The following FRMD4A variants were observed in gnomAD, a reference collection of about 807,000 sequenced individuals.
FRMD4A encodes FERM domain-containing protein 4A.
In FRMD4A, 29 loss-of-function variants were observed where a neutral mutation model predicts 129.1. The ratio of observed to expected loss-of-function variants is 0.22; its 90% CI spans 0.17 to 0.31. FRMD4A has a LOEUF of 0.31. FRMD4A is among the 10% of genes least tolerant of loss of function. The pLI, the probability that FRMD4A is intolerant of heterozygous loss-of-function variation, is 1.00. For missense variants in FRMD4A, 1,272 were observed against 1,375.8 expected, an observed-to-expected ratio of 0.92 and a Z score of 1.19; for synonymous variants, 634 against 571.6, an observed-to-expected ratio of 1.11 and a Z score of -1.56.
chr10:14,318,705 G>A (rs2132116317), intron 2 of FRMD4A, among the ~76,000 whole-genome samples: 1 of 151,412 alleles, frequency 6.6e-6, no homozygotes, highest in Admixed American at 6.6e-5. Flanking sequence ...AAGTCCCATA[G>A]ACAGTTTGTG....
intron 9 of FRMD4A, among the ~76,000 whole-genome samples, chr10:13,743,323 C>T (rs1171275848): frequency 2.0e-5 from 3 of 152,180 alleles, no homozygotes; most frequent in Non-Finnish European, 4.4e-5. Flanking sequence ...AGCGGCTCCA[C>T]TTCCTTCCAT....
At chr10:13,714,042 A>ATTT (rs1365248261) in intron 12 of FRMD4A, among the ~76,000 whole-genome samples, 321 of 7,174 alleles carry the variant, frequency 0.045, 63 homozygotes, top group African/African-American at 0.11. Flanking sequence ...ATATATATAT[A>ATTT]TATATATATA....
intron 5 of FRMD4A, among the ~76,000 whole-genome samples, chr10:13,784,614 A>G (rs1259326578): frequency 6.6e-6 from 1 of 152,212 alleles, no homozygotes; most frequent in Non-Finnish European, 1.5e-5. Context: ...TACACTGGAG[A>G]TACAGGACCT....
intron 2 of FRMD4A, among the ~76,000 whole-genome samples, chr10:14,244,310 C>T (rs897794336): frequency 6.6e-6 from 1 of 152,210 alleles, no homozygotes; most frequent in Non-Finnish European, 1.5e-5. Flanking sequence ...AGAATGCCTT[C>T]CCTCTGGCCC....
At chr10:14,319,584 T>A (rs1312400903) in intron 2 of FRMD4A, among the ~76,000 whole-genome samples, 5 of 152,142 alleles carry the variant, frequency 3.3e-5, no homozygotes, top group Non-Finnish European at 1.5e-5. Flanking sequence ...TGAAGAAAAT[T>A]AATTCCAAAG....
chr10:14,297,137 A>ATTTTTTTTT (rs34998308), intron 2 of FRMD4A, among the ~76,000 whole-genome samples: 1 of 146,918 alleles, frequency 6.8e-6, no homozygotes, highest in Non-Finnish European at 1.5e-5. Context: ...TCTCTTTCTC[A>ATTTTTTTTT]TTTTTTTTTT....
chr10:14,111,743 G>C (rs1262159559), intron 2 of FRMD4A, among the ~76,000 whole-genome samples: 1 of 151,882 alleles, frequency 6.6e-6, no homozygotes, highest in East Asian at 1.9e-4. Flanking sequence ...GAGAGATTAG[G>C]TAAATATATT....
At chr10:13,988,662 A>G (rs960655593) in intron 2 of FRMD4A, among the ~76,000 whole-genome samples, 1 of 152,190 alleles carries the variant, frequency 6.6e-6, no homozygotes, top group African/African-American at 2.4e-5. Flanking sequence ...ATAGATACCG[A>G]TAGATCGATA....
intron 2 of FRMD4A, among the ~76,000 whole-genome samples, chr10:14,252,145 G>A (rs969192112): frequency 6.6e-6 from 1 of 152,030 alleles, no homozygotes; most frequent in Non-Finnish European, 1.5e-5. Flanking sequence ...TATTATGTTT[G>A]TTTCAGCCTT....
At chr10:14,130,964 C>G (rs184244390) in intron 2 of FRMD4A, among the ~76,000 whole-genome samples, 1 of 152,218 alleles carries the variant, frequency 6.6e-6, no homozygotes, top group East Asian at 1.9e-4. Context: ...TTTAATGCAC[C>G]ATGGTGGAAA....
chr10:13,854,387 G>A (rs1297172369), intron 3 of FRMD4A, among the ~76,000 whole-genome samples: 1 of 152,134 alleles, frequency 6.6e-6, no homozygotes, highest in African/African-American at 2.4e-5. Flanking sequence ...AGACTGCGAT[G>A]AGGGTGGCTC....
intron 12 of FRMD4A, among the ~76,000 whole-genome samples, chr10:13,719,995 C>T (rs1490277188): frequency 6.6e-6 from 1 of 152,212 alleles, no homozygotes; most frequent in Non-Finnish European, 1.5e-5. Flanking sequence ...CTCCTCCATT[C>T]TCCTCCCAAC....
At chr10:13,964,274 C>T (rs957951316) in intron 2 of FRMD4A, among the ~76,000 whole-genome samples, 2 of 152,122 alleles carry the variant, frequency 1.3e-5, no homozygotes, top group Non-Finnish European at 2.9e-5. Context: ...CACAATCCCC[C>T]TCCCCACTAA....
intron 2 of FRMD4A, among the ~76,000 whole-genome samples, chr10:13,922,497 T>C (rs150858680): frequency 2.6e-5 from 4 of 152,290 alleles, no homozygotes; most frequent in African/African-American, 4.8e-5. Flanking sequence ...TAAAAGTACA[T>C]AGAAGTAGTA....
chr10:13,809,162 A>G lies in FRMD4A; in HGVS notation c.206+1652T>C, dbSNP rs538447229. 2.0e-5 allele frequency among the ~76,000 whole-genome samples: 3 copies of G among 152,112 alleles called. No individual in the cohort carries two copies. The South Asian group carries it at 6.2e-4, about 32-fold the overall frequency. ...CCTCCTGGGAGAAGAGTGACTTTCTACCTAGGTCCGATTCCTGCCAGTCAG... is the reference window on the plus strand; with the variant it reads ...CCTCCTGGGAGAAGAGTGACTTTCTGCCTAGGTCCGATTCCTGCCAGTCAG... On this transcript the variant is annotated intron_variant, in intron 4 of 24. Transcript: ENST00000357447.
At chr10:13,826,777 C>T (rs1240190048) in intron 3 of FRMD4A, among the ~76,000 whole-genome samples, 1 of 152,146 alleles carries the variant, frequency 6.6e-6, no homozygotes, top group African/African-American at 2.4e-5. Flanking sequence ...ATACTGCTCT[C>T]CCGGGAGGCT....
At chr10:14,247,680 A>G (rs948999394) in intron 2 of FRMD4A, among the ~76,000 whole-genome samples, 1 of 152,154 alleles carries the variant, frequency 6.6e-6, no homozygotes, top group African/African-American at 2.4e-5. Flanking sequence ...ATTAGCCCCT[A>G]CATTTAGGGA....
At position 14,039,455 on chromosome 10, in the gene FRMD4A, A is replaced by ATCT. The variant is rs1565204710; in HGVS notation, c.46-180544_46-180543insAGA. The stretch of plus-strand genomic sequence containing the variant: ...CTATATTGGAACCCCAAAATCAATC[A>ATCT]ATCTATCTATCTATCTATCTATCTA... On this transcript the variant is annotated intron_variant, in intron 2 of 24. Coordinates refer to ENST00000357447, the MANE Select transcript of FRMD4A (RefSeq NM_018027.5). Among the ~76,000 whole-genome samples the ATCT allele has an allele frequency of 8.4e-3, 546 of 64,620 alleles. 1 individual carries two copies. Among genetic ancestry groups the ATCT allele is most frequent in the Middle Eastern group, 0.018 (2 of 114 alleles). The allele number at this position is 64,620 out of a possible 152,430, so 42.4% of individuals were successfully genotyped here.
intron 2 of FRMD4A, among the ~76,000 whole-genome samples, chr10:14,164,605 G>T (rs780656691): frequency 1.2e-4 from 18 of 152,294 alleles, no homozygotes; most frequent in Non-Finnish European, 2.4e-4. Flanking sequence ...TCTACGTTGG[G>T]AACAGGGAGC....
Sources: gnomAD v4.1 joint callset for allele counts (sites outside exome capture counted in the v4.1 genomes callset) on GRCh38, gnomAD v4.1.1 for gene constraint, MANE v1.5 for transcripts, NCBI Gene and HGNC (gene_info 2026-07-23, HGNC 2026-07-21) for gene names.